The following IL1RAPL1 variants were observed in gnomAD, a reference collection of about 807,000 sequenced individuals.
The protein encoded by IL1RAPL1 is interleukin-1 receptor accessory protein-like 1.
Under a neutral mutation model 48.4 loss-of-function variants are expected in IL1RAPL1, and 3 were observed. The ratio of observed to expected loss-of-function variants is 0.06; its 90% CI spans 0.03 to 0.16. The LOEUF is 0.16. Among genes scored for constraint, IL1RAPL1 ranks in the 10% least tolerant of loss-of-function variants. IL1RAPL1 has a pLI of 1.00. For missense variants in IL1RAPL1, 349 were observed against 530.6 expected, an observed-to-expected ratio of 0.66 and a Z score of 3.36; for synonymous variants, 185 against 187.7, an observed-to-expected ratio of 0.99 and a Z score of 0.12.
Position 29,081,101 on chromosome X carries a change from TG to T in IL1RAPL1, c.83-201835del, listed in dbSNP as rs766314261. Among the ~76,000 whole-genome samples, 17 of 101,238 alleles carry T rather than the reference TG, an allele frequency of 1.7e-4. No individual in the cohort carries two copies. The East Asian group carries it at 4.0e-3, about 24-fold the overall frequency. 87.9% of individuals were successfully genotyped at this position (101,238 alleles called of 115,157 possible). On this transcript the variant is annotated intron_variant, in intron 2 of 10. Transcript: ENST00000378993. The stretch of plus-strand genomic sequence containing the variant: ...GGAGTTTTGCTCTTGTTGCCCAGGC[TG>T]GAGTGCAGTGGTGCAATCTAGGCTC...
intron 1 of IL1RAPL1, among the ~76,000 whole-genome samples, chrX:28,670,015 G>T (rs1001349090): frequency 9.1e-6 from 1 of 110,233 alleles, no homozygotes; most frequent in Non-Finnish European, 1.9e-5. Context: ...ACACTTTGGT[G>T]CTATTCTAAT....
At chrX:28,992,691 A>T (rs925338686) in intron 2 of IL1RAPL1, among the ~76,000 whole-genome samples, 2 of 111,375 alleles carry the variant, frequency 1.8e-5, no homozygotes, top group Non-Finnish European at 3.8e-5. Flanking sequence ...ATTTTCAGGA[A>T]CAAGAAAATA....
intron 1 of IL1RAPL1, among the ~76,000 whole-genome samples, chrX:28,777,023 C>T (rs1205291566): frequency 8.9e-6 from 1 of 112,126 alleles, no homozygotes; most frequent in Non-Finnish European, 1.9e-5. Flanking sequence ...GTATCACAAA[C>T]TTCGTGGCTC....
At chrX:28,729,719 C>T (rs769738382) in intron 1 of IL1RAPL1, among the ~76,000 whole-genome samples, 6 of 111,228 alleles carry the variant, frequency 5.4e-5, no homozygotes, top group South Asian at 3.8e-4. Context: ...GGGATGAGGC[C>T]GGGTGTGGTG....
chrX:29,735,279 G>A (rs1314074827), intron 6 of IL1RAPL1, among the ~76,000 whole-genome samples: 2 of 111,203 alleles, frequency 1.8e-5, no homozygotes. Context: ...GCATCTCTCT[G>A]ACACTGACTC....
intron 8 of IL1RAPL1, among the ~76,000 whole-genome samples, chrX:29,926,809 C>A (rs1932895639): frequency 1.8e-5 from 2 of 111,465 alleles, no homozygotes; most frequent in African/African-American, 6.5e-5. Context: ...CCAGATGTCC[C>A]CAGGGGTCAA....
chrX:29,615,054 T>TAGATGATACATAGA (rs1924243325), intron 5 of IL1RAPL1, among the ~76,000 whole-genome samples: 1 of 112,049 alleles, frequency 8.9e-6, no homozygotes, highest in African/African-American at 3.2e-5. Flanking sequence ...TGTATAGACA[T>TAGATGATACATAGA]GTACCCAAAG....
At chrX:28,828,004 C>T (rs1569181441) in intron 2 of IL1RAPL1, among the ~76,000 whole-genome samples, 2 of 111,119 alleles carry the variant, frequency 1.8e-5, no homozygotes, top group Non-Finnish European at 3.8e-5. Flanking sequence ...GTTTACTCTT[C>T]TTTTTTTTGA....
intron 5 of IL1RAPL1, among the ~76,000 whole-genome samples, chrX:29,564,593 C>T (rs1375265666): frequency 1.8e-5 from 2 of 112,564 alleles, no homozygotes; most frequent in African/African-American, 6.5e-5. Context: ...GTTTTGGGCT[C>T]TTTCTGGCTA....
intron 3 of IL1RAPL1, among the ~76,000 whole-genome samples, chrX:29,335,658 G>A (rs750875336): frequency 5.5e-4 from 61 of 110,692 alleles, no homozygotes; most frequent in Non-Finnish European, 9.5e-4. Context: ...TGTTAGAACC[G>A]CAGCTTATTA....
chrX:28,908,176 T>C (rs920647302), intron 2 of IL1RAPL1, among the ~76,000 whole-genome samples: 7 of 111,616 alleles, frequency 6.3e-5, no homozygotes, highest in Non-Finnish European at 9.4e-5. Flanking sequence ...TTTTGATGTC[T>C]TTTTTTCTAT....
At chrX:28,847,967 A>G (rs1315160271) in intron 2 of IL1RAPL1, among the ~76,000 whole-genome samples, 4 of 112,075 alleles carry the variant, frequency 3.6e-5, no homozygotes, top group Non-Finnish European at 7.5e-5. Context: ...TATATACACC[A>G]TAGAATACTA....
chrX:29,061,166 A>T (rs1481983122), intron 2 of IL1RAPL1, among the ~76,000 whole-genome samples: 2 of 111,899 alleles, frequency 1.8e-5, no homozygotes, highest in Non-Finnish European at 3.8e-5. Flanking sequence ...AACAAATACA[A>T]TAGTTAAATG....
At chrX:29,578,690 ACT>A (rs1922856017) in intron 5 of IL1RAPL1, among the ~76,000 whole-genome samples, 1 of 111,642 alleles carries the variant, frequency 9.0e-6, no homozygotes, top group South Asian at 3.8e-4. Context: ...AGAATTTCTT[ACT>A]GTCTTTATTT....
rs147155910 is a variant in IL1RAPL1, at chrX:29,026,454, T to C, written c.82+237029T>C. Among the ~76,000 whole-genome samples, 695 of 111,153 alleles carry C rather than the reference T, an allele frequency of 6.3e-3. 5 individuals carry two copies. Among genetic ancestry groups the C allele is most frequent in the African/African-American group, 0.022 (662 of 30,581 alleles). On this transcript the variant is annotated intron_variant, in intron 2 of 10. Coordinates refer to ENST00000378993, the MANE Select transcript of IL1RAPL1 (RefSeq NM_014271.4). ...AGGGGAGGAAGAGCATTAGGACAAATAGCTGATGCATGCACGGCTTAAAAC... is the reference window on the plus strand; with the variant it reads ...AGGGGAGGAAGAGCATTAGGACAAACAGCTGATGCATGCACGGCTTAAAAC...
chrX:29,269,826 A>G (rs1026629875), intron 2 of IL1RAPL1, among the ~76,000 whole-genome samples: 2 of 110,877 alleles, frequency 1.8e-5, no homozygotes, highest in Non-Finnish European at 3.8e-5. Flanking sequence ...GTATGTTTTG[A>G]CATATATATA....
At chrX:28,790,371 A>T (rs1381537071) in intron 2 of IL1RAPL1, among the ~76,000 whole-genome samples, 1 of 112,676 alleles carries the variant, frequency 8.9e-6, no homozygotes, top group East Asian at 2.8e-4. Flanking sequence ...AAGGGCTGAG[A>T]TGGGGCTGTG....
intron 2 of IL1RAPL1, among the ~76,000 whole-genome samples, chrX:28,857,073 A>G (rs1411394767): frequency 8.9e-6 from 1 of 112,287 alleles, no homozygotes; most frequent in Non-Finnish European, 1.9e-5. Flanking sequence ...AAATGGAGAA[A>G]GCTTGTGTAA....
chrX:29,104,992 T>C (rs2147466342), intron 2 of IL1RAPL1, among the ~76,000 whole-genome samples: 1 of 111,883 alleles, frequency 8.9e-6, no homozygotes, highest in South Asian at 3.7e-4. Context: ...TGGGGAATGC[T>C]ATCTGAGTCT....
Sources: allele counts gnomAD v4.1 joint callset (sites outside exome capture counted in the v4.1 genomes callset), GRCh38; gene constraint gnomAD v4.1.1; transcripts MANE v1.5; gene names NCBI Gene and HGNC (gene_info 2026-07-23, HGNC 2026-07-21).